The following PDE4B variants were observed in gnomAD, a reference collection of about 807,000 sequenced individuals.
PDE4B encodes 3',5'-cyclic-AMP phosphodiesterase 4B.
PDE4B carries 20 observed loss-of-function variants against 82.2 expected under a neutral mutation model. The observed-to-expected ratio is 0.24, with a 90% CI of 0.17 to 0.35. The LOEUF is 0.35. Among genes scored for constraint, PDE4B ranks in the 10% least tolerant of loss-of-function variants. The pLI is 1.00. For synonymous variants in PDE4B, 320 were observed against 318.9 expected, an observed-to-expected ratio of 1.00 and a Z score of -0.04; for missense variants, 655 against 907.2, an observed-to-expected ratio of 0.72 and a Z score of 3.57.
intron 8 of PDE4B, among the ~76,000 whole-genome samples, chr1:66,342,875 C>G (rs995212983): frequency 5.9e-5 from 9 of 152,166 alleles, no homozygotes; most frequent in African/African-American, 2.2e-4. Flanking sequence ...GAAACCCTGT[C>G]TCTACTAAAA....
chr1:66,031,442 A>G (rs1035165702), intron 3 of PDE4B, among the ~76,000 whole-genome samples: 7 of 152,226 alleles, frequency 4.6e-5, no homozygotes, highest in Admixed American at 1.3e-4. Flanking sequence ...CAACCAAAAT[A>G]CAAAATCCAG....
intron 3 of PDE4B, among the ~76,000 whole-genome samples, chr1:66,140,307 A>T (rs2101142982): frequency 6.6e-6 from 1 of 152,314 alleles, no homozygotes; most frequent in African/African-American, 2.4e-5. Flanking sequence ...AGGGCCAGGA[A>T]CCAGGAAAGG....
At chr1:66,141,327 AATATATATATATAT>A (rs71058454) in intron 3 of PDE4B, among the ~76,000 whole-genome samples, 6,185 of 91,410 alleles carry the variant, frequency 0.068, 241 homozygotes, top group South Asian at 0.13. Context: ...AAGCTTTGAG[AATATATATATATAT>A]ATATATATAT....
At chr1:66,027,374 C>G (rs1291495727) in intron 3 of PDE4B, among the ~76,000 whole-genome samples, 5 of 152,144 alleles carry the variant, frequency 3.3e-5, no homozygotes, top group Non-Finnish European at 7.4e-5. Context: ...AATTACCTCC[C>G]CCTGGGTCCC....
At chr1:66,085,836 A>G (rs911186778) in intron 3 of PDE4B, among the ~76,000 whole-genome samples, 3 of 152,088 alleles carry the variant, frequency 2.0e-5, no homozygotes, top group African/African-American at 7.2e-5. Flanking sequence ...TTGCCTTGTC[A>G]AAAAATAGAT....
intron 3 of PDE4B, among the ~76,000 whole-genome samples, chr1:66,033,529 T>G (rs1423874551): frequency 1.3e-5 from 2 of 152,208 alleles, no homozygotes; most frequent in African/African-American, 4.8e-5. Context: ...TTCAATTTAT[T>G]GTGTAGATTA....
chr1:66,145,964 A>T (rs1288775056), intron 3 of PDE4B, among the ~76,000 whole-genome samples: 1 of 152,162 alleles, frequency 6.6e-6, no homozygotes, highest in South Asian at 2.1e-4. Context: ...TGACTGCTAT[A>T]TGACTGCAAT....
At chr1:65,813,993 C>A (rs541745603) in intron 1 of PDE4B, among the ~76,000 whole-genome samples, 1 of 151,356 alleles carries the variant, frequency 6.6e-6, no homozygotes, top group African/African-American at 2.4e-5. Flanking sequence ...TGTATGTGAG[C>A]TTTAAGCCAA....
chr1:65,821,341 A>C (rs1392577082), intron 1 of PDE4B, among the ~76,000 whole-genome samples: 1 of 152,226 alleles, frequency 6.6e-6, no homozygotes, highest in African/African-American at 2.4e-5. Flanking sequence ...GAATGATTGG[A>C]GATTCAGGAA....
intron 3 of PDE4B, among the ~76,000 whole-genome samples, chr1:66,183,987 G>A (rs1467982054): frequency 2.6e-5 from 4 of 152,086 alleles, no homozygotes; most frequent in Non-Finnish European, 5.9e-5. Context: ...TGTGGCCTTC[G>A]GGAGTCAAGG....
intron 3 of PDE4B, among the ~76,000 whole-genome samples, chr1:66,070,103 T>TTCA (rs1656074737): frequency 6.6e-6 from 1 of 152,050 alleles, no homozygotes. Context: ...CTGTTTCACG[T>TTCA]TCATACACTT....
intron 1 of PDE4B, among the ~76,000 whole-genome samples, chr1:65,836,856 G>A (rs1282695453): frequency 3.3e-5 from 5 of 152,222 alleles, no homozygotes; most frequent in Admixed American, 1.3e-4. Context: ...ATGCCTGACC[G>A]TCCATTCTCC....
At chr1:66,131,134 G>A (rs1348893926) in intron 3 of PDE4B, among the ~76,000 whole-genome samples, 2 of 152,132 alleles carry the variant, frequency 1.3e-5, no homozygotes, top group Non-Finnish European at 2.9e-5. Flanking sequence ...CTCAAAATTA[G>A]TCAAAAGTGT....
intron 3 of PDE4B, among the ~76,000 whole-genome samples, chr1:66,132,456 G>A (rs1049583120): frequency 6.6e-6 from 1 of 152,084 alleles, no homozygotes. Context: ...CACAGTGTTC[G>A]TGCTCCGTAT....
chr1:66,153,176 G>T (rs1225852406), intron 3 of PDE4B, among the ~76,000 whole-genome samples: 2 of 152,218 alleles, frequency 1.3e-5, no homozygotes, highest in Non-Finnish European at 1.5e-5. Context: ...CTCTGAAGAA[G>T]CCCTGCAGTT....
intron 4 of PDE4B, among the ~76,000 whole-genome samples, chr1:66,251,367 T>A (rs1400631582): frequency 6.6e-6 from 1 of 152,168 alleles, no homozygotes; most frequent in Non-Finnish European, 1.5e-5. Flanking sequence ...GTAAACTATA[T>A]GGATATCCAG....
intron 3 of PDE4B, among the ~76,000 whole-genome samples, chr1:65,958,293 A>G (rs1031457519): frequency 1.3e-5 from 2 of 151,962 alleles, no homozygotes; most frequent in South Asian, 2.1e-4. Flanking sequence ...CTAATGATAA[A>G]CTGCCTTTTC....
At chr1:65,898,828 A>G (rs1646939789) in intron 1 of PDE4B, among the ~76,000 whole-genome samples, 1 of 152,184 alleles carries the variant, frequency 6.6e-6, no homozygotes, top group African/African-American at 2.4e-5. Context: ...AGATGGATTA[A>G]GGACTTAAAC....
chr1:66,064,075 A>G (rs1655719433), intron 3 of PDE4B, among the ~76,000 whole-genome samples: 1 of 152,004 alleles, frequency 6.6e-6, no homozygotes, highest in South Asian at 2.1e-4. Context: ...GTTGTGAACA[A>G]AAACTGAGGT....
Sources: gnomAD v4.1 joint callset for allele counts (sites outside exome capture counted in the v4.1 genomes callset) on GRCh38, gnomAD v4.1.1 for gene constraint, MANE v1.5 for transcripts, NCBI Gene and HGNC (gene_info 2026-07-23, HGNC 2026-07-21) for gene names.